The following FMO2 variants were observed in gnomAD, a reference collection of about 807,000 sequenced individuals.
FMO2 encodes the protein flavin-containing monooxygenase 2.
Under a neutral mutation model 41.6 loss-of-function variants are expected in FMO2, and 33 were observed. The ratio of observed to expected loss-of-function variants is 0.79; its 90% CI spans 0.60 to 1.06. The LOEUF is 1.06. FMO2 is among the 50% of genes least tolerant of loss of function. The pLI is 0.00. For missense variants in FMO2, 619 were observed against 632.9 expected (o/e 0.98, Z 0.23); for synonymous variants, 214 against 219.6 (o/e 0.97, Z 0.23).
chr1:171,194,658 C>G (rs1658230215), intron 3 of FMO2, among the ~76,000 whole-genome samples: 1 of 152,134 alleles, frequency 6.6e-6, no homozygotes, highest in Admixed American at 6.5e-5. Context: ...CTATTCTAGA[C>G]TGAGAAGGGA....
At chr1:171,199,028 G>A (rs912548002) in intron 4 of FMO2, among the ~76,000 whole-genome samples, 5 of 152,122 alleles carry the variant, frequency 3.3e-5, no homozygotes, top group Non-Finnish European at 5.9e-5. Context: ...TCAGTCACCC[G>A]AGTAGCTGGG....
chr1:171,187,796 T>C (rs1657915488), intron 2 of FMO2, among the ~76,000 whole-genome samples: 1 of 152,134 alleles, frequency 6.6e-6, no homozygotes, highest in African/African-American at 2.4e-5. Flanking sequence ...CTGATCATTC[T>C]ACTATCTAAA....
At position 171,208,987 on chromosome 1, in the gene FMO2, G is replaced by A; in HGVS notation, c.1450G>A (p.Ala484Thr). Reference sequence around the variant, plus strand: ...GGTTGGGCCTGGGCAATGGGAAGGAGCCAGAAATGCCATCTTCACCCAGAA... The same window carrying A: ...GGTTGGGCCTGGGCAATGGGAAGGAACCAGAAATGCCATCTTCACCCAGAA... ...RLVGPGQWEGARNAIFTQKQR... is the reference protein window; with the variant it reads ...RLVGPGQWEGTRNAIFTQKQR... The change falls in exon 9 of 9, where the codon GCC becomes ACC. Residue 484 changes from alanine (A) to threonine (T), a missense_variant. Physicochemically the swap from Ala to Thr is moderately conservative, Grantham distance 58. Transcript: ENST00000209929. 2 of 1,586,674 alleles carry A rather than the reference G, an allele frequency of 1.3e-6. No homozygotes were observed. The highest frequency in any genetic ancestry group is 1.7e-6 in the Non-Finnish European group (2 of 1,162,878).
At chr1:171,197,362 C>A (rs573920205) in intron 4 of FMO2, among the ~76,000 whole-genome samples, 1 of 152,250 alleles carries the variant, frequency 6.6e-6, no homozygotes, top group East Asian at 1.9e-4. Context: ...TTAGAATCAC[C>A]TGGGGAGCTT....
chr1:171,204,869 T>G (rs1033505105), intron 6 of FMO2, among the ~76,000 whole-genome samples: 5 of 152,184 alleles, frequency 3.3e-5, no homozygotes, highest in Non-Finnish European at 5.9e-5. Flanking sequence ...TAGTGGAAAT[T>G]TAGCAAATTT....
At chr1:171,196,893 A>G in intron 4 of FMO2, 82 bp downstream of exon 4, 1 of 1,293,324 alleles carries the variant, frequency 7.7e-7, no homozygotes, top group Non-Finnish European at 1.1e-6. Flanking sequence ...AGCAGGATTC[A>G]TTGCTGCAAC....
chr1:171,201,608 A>G (rs901993835), intron 5 of FMO2, among the ~76,000 whole-genome samples: 10 of 152,174 alleles, frequency 6.6e-5, no homozygotes, highest in Non-Finnish European at 1.3e-4. Flanking sequence ...AGCACCCTCT[A>G]CCACAATCCA....
intron 5 of FMO2, among the ~76,000 whole-genome samples, chr1:171,202,626 AC>A (rs1470222039): frequency 1.3e-5 from 2 of 152,228 alleles, no homozygotes; most frequent in African/African-American, 4.8e-5. Flanking sequence ...TACTGTTAAT[AC>A]CCCCATTTTA....
intron 2 of FMO2, among the ~76,000 whole-genome samples, chr1:171,189,580 G>A (rs1013386251): frequency 6.6e-6 from 1 of 151,806 alleles, no homozygotes; most frequent in Admixed American, 6.6e-5. Flanking sequence ...ATAGAGATGT[G>A]GTTCACAAAG....
At chr1:171,187,958 T>G (rs779637200) in intron 2 of FMO2, among the ~76,000 whole-genome samples, 16 of 151,992 alleles carry the variant, frequency 1.1e-4, no homozygotes, top group Non-Finnish European at 1.0e-4. Flanking sequence ...GGTGATATAA[T>G]ATGGTGGTCA....
intron 1 of FMO2, 75 bp downstream of exon 1, chr1:171,185,434 C>G (rs781117214): frequency 4.0e-6 from 1 of 250,250 alleles, no homozygotes; most frequent in East Asian, 8.0e-5. Flanking sequence ...GCTCACATCC[C>G]TAGTATGTTA....
intron 4 of FMO2, among the ~76,000 whole-genome samples, chr1:171,197,128 A>G (rs1187266112): frequency 1.3e-5 from 2 of 152,002 alleles, no homozygotes; most frequent in Admixed American, 1.3e-4. Context: ...GCCTTTTTCT[A>G]CCCTGCCAAA....
chr1:171,191,456 G>T (rs939042254), intron 2 of FMO2, among the ~76,000 whole-genome samples: 1 of 152,180 alleles, frequency 6.6e-6, no homozygotes, highest in Non-Finnish European at 1.5e-5. Flanking sequence ...TTTAACGCTA[G>T]TGGCCAATAA....
chr1:171,191,831 C>T (rs1026998514), intron 2 of FMO2, among the ~76,000 whole-genome samples: 54 of 144,244 alleles, frequency 3.7e-4, no homozygotes, highest in Non-Finnish European at 6.7e-4. Context: ...TTAGACCTGC[C>T]TGGGCAACAT....
At chr1:171,199,164 G>A (rs896125643) in intron 4 of FMO2, 182 bp from the exon 5 acceptor site, 20 of 483,460 alleles carry the variant, frequency 4.1e-5, no homozygotes, top group African/African-American at 2.6e-4. Flanking sequence ...CTCCCAAAGG[G>A]CTGGGATTAC....
chr1:171,200,896 G>A (rs1658510565), intron 5 of FMO2, among the ~76,000 whole-genome samples: 1 of 152,146 alleles, frequency 6.6e-6, no homozygotes, highest in African/African-American at 2.4e-5. Flanking sequence ...GTGTAATGGG[G>A]CAGTATGTGA....
chr1:171,191,102 G>A (rs1658066061), intron 2 of FMO2, among the ~76,000 whole-genome samples: 1 of 151,596 alleles, frequency 6.6e-6, no homozygotes, highest in Non-Finnish European at 1.5e-5. Context: ...CCGAGATCAT[G>A]ACATTGCACT....
At chr1:171,191,749 C>T (rs182569232) in intron 2 of FMO2, among the ~76,000 whole-genome samples, 227 of 150,476 alleles carry the variant, frequency 1.5e-3, no homozygotes, top group Middle Eastern at 6.9e-3. Context: ...TGGGGCTGGG[C>T]GCAGTGGCTC....
intron 2 of FMO2, 30 bp downstream of exon 2, chr1:171,185,875 G>A (rs1557971838): frequency 6.2e-7 from 1 of 1,606,658 alleles, no homozygotes; most frequent in African/African-American, 1.3e-5. Context: ...GTCTTGAACA[G>A]GTTGTGTTGT....
Sources: gnomAD v4.1 joint callset for allele counts (sites outside exome capture counted in the v4.1 genomes callset) on GRCh38, gnomAD v4.1.1 for gene constraint, MANE v1.5 for transcripts, NCBI Gene and HGNC (gene_info 2026-07-23, HGNC 2026-07-21) for gene names.